EIF2B2: variants seen among roughly 807,000 people sequenced by gnomAD.
EIF2B2 encodes the protein translation initiation factor eIF2B subunit beta.
Under a neutral mutation model 34.7 loss-of-function variants are expected in EIF2B2, and 34 were observed. The ratio of observed to expected loss-of-function variants is 0.98; its 90% CI spans 0.75 to 1.31. The LOEUF (loss-of-function observed/expected upper bound fraction) is 1.31, where lower values mean the gene tolerates loss of function less well. EIF2B2 is among the 50% of genes most tolerant of loss of function. EIF2B2 has a pLI of 0.00. For synonymous variants in EIF2B2, 155 were observed against 171.6 expected, an observed-to-expected ratio of 0.90 and a Z score of 0.76; for missense variants, 361 against 447.7, an observed-to-expected ratio of 0.81 and a Z score of 1.75.
Position 75,006,785 on chromosome 14 carries a change from G to C in EIF2B2, c.831+71G>C, listed in dbSNP as rs749488949. On this transcript the variant is annotated intron_variant, in intron 6 of 7. Coordinates refer to ENST00000266126, the MANE Select transcript of EIF2B2 (RefSeq NM_014239.4). This position sits in a 1 kb window ranked among gnomAD's most constrained non-coding sequence, Gnocchi z 4.1. ...GCCAAAGGGTAGGCTTGAACTCTGGGACTTCAACCACCTCACTCCAGGGCC... is the reference window on the plus strand; with the variant it reads ...GCCAAAGGGTAGGCTTGAACTCTGGCACTTCAACCACCTCACTCCAGGGCC... 19 of 1,598,510 alleles carry C rather than the reference G, an allele frequency of 1.2e-5. No homozygotes were observed. Among genetic ancestry groups the C allele is most frequent in the Non-Finnish European group, 1.5e-5 (18 of 1,169,926 alleles).
rs1269576769 is a variant in EIF2B2 at position 75,006,941 on chromosome 14, T to C, written c.831+227T>C. On this transcript the variant is annotated intron_variant, in intron 6 of 7. Coordinates refer to ENST00000266126, the MANE Select transcript of EIF2B2 (RefSeq NM_014239.4). The surrounding 1 kb of genome is among the most constrained non-coding windows in gnomAD (Gnocchi z 4.1). ...TAGGAAGTCAAGATTGTAAGGACAA[T>C]ATGTAGTTGGGAAAGGTCCTTTGCT... 6 of 715,832 alleles carry C rather than the reference T, an allele frequency of 8.4e-6. No individual in the cohort carries two copies. The highest frequency in any genetic ancestry group is 1.5e-5 in the Non-Finnish European group (6 of 405,864). The allele number at this position is 715,832 out of a possible 1,614,324, so 44.3% of individuals were successfully genotyped here. A position where few individuals can be genotyped will look rare whatever the true frequency, so the allele number is the denominator to read the frequency against.
At chr14:75,005,743 T>A in intron 4 of EIF2B2, 123 bp from the exon 5 acceptor site, 1 of 783,094 alleles carries the variant, frequency 1.3e-6, no homozygotes, top group Middle Eastern at 2.3e-4. Flanking sequence ...ATGAGTTATC[T>A]ATTGGAAATT....
rs773252033 is a variant in EIF2B2, at chr14:75,003,689, A to G, written c.423A>G (p.Leu141=). 11 of 1,614,046 alleles carry G rather than the reference A, an allele frequency of 6.8e-6. No individual in the cohort carries two copies. The highest frequency in any genetic ancestry group is 3.3e-4 in the Middle Eastern group (2 of 6,084). ...TCATTGAGGCGATTAATGAGCTGCT[A>G]GTGGAGCTGGGTAAGAGGCCTGATC... ...SNIIEAINEL[L]VELEGTMENI... is the part of the protein sequence containing the mutation. The change falls in exon 3 of 8, where the codon CTA becomes CTG. Residue 141 remains leucine (L), a synonymous_variant. Coordinates refer to ENST00000266126, the MANE Select transcript of EIF2B2 (RefSeq NM_014239.4).
rs1889703224 is a variant in EIF2B2 at position 75,011,455 on chromosome 14, AG to A, written c.*2268del. 1.3e-5 allele frequency: 2 copies of A among 152,162 alleles called. No individual in the cohort carries two copies. Among genetic ancestry groups the A allele is most frequent in the Admixed American group, 1.3e-4 (2 of 15,274 alleles). 9.4% of individuals were successfully genotyped at this position (152,162 alleles called of 1,614,324 possible). ...CTAAGAATCTGCATGTTTAACAAAT[AG>A]CCTGTGGGCTTTGAACAGGTGATTT... On this transcript the variant is annotated 3_prime_UTR_variant, in exon 8 of 8. Coordinates refer to ENST00000266126, the MANE Select transcript of EIF2B2 (RefSeq NM_014239.4).
chr14:75,004,591 T>C, intron 3 of EIF2B2, 146 bp from the exon 4 acceptor site: 1 of 243,370 alleles, frequency 4.1e-6, no homozygotes, highest in Non-Finnish European at 7.0e-6. Flanking sequence ...CAGGGTCTGC[T>C]AGGTGGGCAG....
chr14:75,009,129 C>T lies in EIF2B2; in HGVS notation c.997C>T (p.Pro333Ser). The T allele has an allele frequency of 6.2e-7, 1 of 1,614,092 alleles. No individual in the cohort carries two copies. Among genetic ancestry groups the T allele is most frequent in the South Asian group, 1.1e-5 (1 of 91,078 alleles). ...LFISNIGGNA[P>S]SYIYRLMSEL... ...TATCTCCAACATTGGTGGGAATGCA[C>T]CTTCCTACATCTACCGCCTGATGAG... The change falls in exon 8 of 8, where the codon CCT (proline) becomes TCT (serine). Residue 333 changes from proline to serine, a missense_variant. Physicochemically the swap from Pro to Ser is moderately conservative, Grantham distance 74. Transcript: ENST00000266126.
intron 7 of EIF2B2, 44 bp downstream of exon 7, chr14:75,007,832 C>A: frequency 6.3e-7 from 1 of 1,594,328 alleles, no homozygotes; most frequent in South Asian, 1.1e-5. Context: ...TGTGTGTATT[C>A]GGGGTTTGTG....
chr14:75,007,667 TACCTA>T, intron 6 of EIF2B2, 50 bp from the exon 7 acceptor site: 2 of 1,393,414 alleles, frequency 1.4e-6, no homozygotes, highest in Non-Finnish European at 2.0e-6. Context: ...CTAGGGTACA[TACCTA>T]GGAGTGGAAT....
chr14:75,004,974 C>A, intron 4 of EIF2B2, 74 bp downstream of exon 4: 1 of 1,493,434 alleles, frequency 6.7e-7, no homozygotes, highest in Non-Finnish European at 9.2e-7. Flanking sequence ...TGGGTAGGGC[C>A]ATTCCAACCT....
Position 75,006,513 on chromosome 14 carries a change from T to G in EIF2B2, c.694-64T>G. 2 of 1,605,798 alleles carry G rather than the reference T, an allele frequency of 1.2e-6. No individual in the cohort carries two copies. The highest frequency in any genetic ancestry group is 1.7e-6 in the Non-Finnish European group (2 of 1,179,198). Reference sequence around the variant, plus strand: ...TGAGGTCTAAGCATTTAGCTTTTTGTGGCCAGTGGCCCTTTTAGGGCTCCA... The same window carrying G: ...TGAGGTCTAAGCATTTAGCTTTTTGGGGCCAGTGGCCCTTTTAGGGCTCCA... On this transcript the variant is annotated intron_variant, in intron 5 of 7. Coordinates refer to ENST00000266126, the MANE Select transcript of EIF2B2 (RefSeq NM_014239.4). The surrounding 1 kb of genome is among the most constrained non-coding windows in gnomAD (Gnocchi z 4.1).
At chr14:75,007,145 A>G (rs1329399864) in intron 6 of EIF2B2, 1 of 458,116 alleles carries the variant, frequency 2.2e-6, no homozygotes, top group South Asian at 1.6e-5. Flanking sequence ...CTTTGAAAAC[A>G]TCAACCTATT....
At position 75,006,519 on chromosome 14, in the gene EIF2B2, G is replaced by C; in HGVS notation, c.694-58G>C. ...CTAAGCATTTAGCTTTTTGTGGCCA[G>C]TGGCCCTTTTAGGGCTCCACCCCCA... On this transcript the variant is annotated intron_variant, in intron 5 of 7. Coordinates refer to ENST00000266126, the MANE Select transcript of EIF2B2 (RefSeq NM_014239.4). This position sits in a 1 kb window ranked among gnomAD's most constrained non-coding sequence, Gnocchi z 4.1. 6.2e-7 allele frequency: 1 copy of C among 1,607,344 alleles called. No homozygotes were observed. Among genetic ancestry groups the C allele is most frequent in the South Asian group, 1.1e-5 (1 of 91,052 alleles).
chr14:75,004,070 A>G (rs937242792), intron 3 of EIF2B2, among the ~76,000 whole-genome samples: 2 of 152,188 alleles, frequency 1.3e-5, no homozygotes, highest in Non-Finnish European at 2.9e-5. Context: ...CCCCCTTGTC[A>G]TTGCGGTCCA....
Position 75,009,548 on chromosome 14 carries a change from C to T in EIF2B2, c.*360C>T, listed in dbSNP as rs896076459. On this transcript the variant is annotated 3_prime_UTR_variant, in exon 8 of 8. Coordinates refer to ENST00000266126, the MANE Select transcript of EIF2B2 (RefSeq NM_014239.4). ...GATTTTTGCTCAGAAATGGCTATGA[C>T]ACTTTTTCTAGGCTCTACCAATAAA... The T allele has an allele frequency of 6.4e-6, 2 of 314,512 alleles. No individual in the cohort carries two copies. The highest frequency in any genetic ancestry group is 1.2e-5 in the Non-Finnish European group (2 of 162,502). 19.5% of individuals were successfully genotyped at this position (314,512 alleles called of 1,614,324 possible).
At position 75,009,223 on chromosome 14, in the gene EIF2B2, A is replaced by C; in HGVS notation, c.*35A>C. 1 of 1,612,332 alleles carries C rather than the reference A, an allele frequency of 6.2e-7. No individual in the cohort carries two copies. Among genetic ancestry groups the C allele is most frequent in the Non-Finnish European group, 8.5e-7 (1 of 1,178,644 alleles). On this transcript the variant is annotated 3_prime_UTR_variant, in exon 8 of 8. Coordinates refer to ENST00000266126, the MANE Select transcript of EIF2B2 (RefSeq NM_014239.4). ...CGTGTCCTAAGCAGATTGCTTAGGC[A>C]GATACAGAATGAAGAGGAGACTTGA...
Position 75,003,000 on chromosome 14 carries a change from T to A in EIF2B2, c.10T>A (p.Ser4Thr). 1 of 1,614,066 alleles carries A rather than the reference T, an allele frequency of 6.2e-7. No homozygotes were observed. Among genetic ancestry groups the A allele is most frequent in the Non-Finnish European group, 8.5e-7 (1 of 1,180,002 alleles). Residue 4 changes from serine to threonine, a missense_variant, in exon 1 of 8, where the codon TCC (serine) becomes ACC (threonine). Physicochemically the swap from Ser to Thr is moderately conservative, Grantham distance 58. Coordinates refer to ENST00000266126, the MANE Select transcript of EIF2B2 (RefSeq NM_014239.4). MPG[S>T]AAKGSELSER... ...GGCAGCTACCTTAAAGATGCCGGGA[T>A]CCGCAGCGAAGGGCTCGGAGTTGTC...
At chr14:75,008,478 A>G (rs1013650215) in intron 7 of EIF2B2, 107 of 198,918 alleles carry the variant, frequency 5.4e-4, no homozygotes, top group Non-Finnish European at 9.8e-4. Context: ...AATGAAAAAG[A>G]TAAGGCCCTG....
In EIF2B2 at chr14:75,009,603, T is replaced by C. The variant is rs568593225; in HGVS notation, c.*415T>C. On this transcript the variant is annotated 3_prime_UTR_variant, in exon 8 of 8. Coordinates refer to ENST00000266126, the MANE Select transcript of EIF2B2 (RefSeq NM_014239.4). ...ACTTGAAGGTTCCATAGTTGGTTTATTTATTGTCCTACTCTGACAGAACTG... is the reference window on the plus strand; with the variant it reads ...ACTTGAAGGTTCCATAGTTGGTTTACTTATTGTCCTACTCTGACAGAACTG... 1.0e-5 allele frequency: 3 copies of C among 296,838 alleles called. No individual in the cohort carries two copies. Among genetic ancestry groups the C allele is most frequent in the East Asian group, 8.7e-5 (1 of 11,482 alleles). 18.4% of individuals were successfully genotyped at this position (296,838 alleles called of 1,614,324 possible).
Position 75,004,829 on chromosome 14 carries a change from G to T in EIF2B2, c.526G>T (p.Ala176Ser), listed in dbSNP as rs1381795974. 1.2e-6 allele frequency: 2 copies of T among 1,612,292 alleles called. No homozygotes were observed. The highest frequency in any genetic ancestry group is 2.2e-5 in the East Asian group (1 of 44,836). ...CATTGGCTTCTCCCGAACAGTAGAG[G>T]CCTTCCTCAAAGAGGCTGCCCGAAA... Reference protein sequence around the residue: ...MTIGFSRTVEAFLKEAARKRK... With the variant: ...MTIGFSRTVESFLKEAARKRK... Residue 176 changes from alanine to serine, a missense_variant, in exon 4 of 8, where the codon GCC (alanine) becomes TCC (serine). Ala to Ser is a moderately conservative substitution (Grantham distance 99, BLOSUM62 1). Coordinates refer to ENST00000266126, the MANE Select transcript of EIF2B2 (RefSeq NM_014239.4).
Sources: gnomAD v4.1 joint callset for allele counts (sites outside exome capture counted in the v4.1 genomes callset) on GRCh38, gnomAD v4.1.1 for gene constraint, Gnocchi (gnomAD v3.1) non-coding constraint, MANE v1.5 for transcripts, NCBI Gene and HGNC (gene_info 2026-07-23, HGNC 2026-07-21) for gene names.